Variants in ZC3H6 observed in about 807,000 individuals in gnomAD.
The protein encoded by ZC3H6 is zinc finger CCCH-type containing 6, also known as zinc finger CCCH domain-containing protein 6.
Under a neutral mutation model 107.7 loss-of-function variants are expected in ZC3H6, and 40 were observed. That is an observed-to-expected ratio of 0.37 (90% confidence interval 0.29 to 0.48). The LOEUF is 0.48. ZC3H6 is among the 20% of genes least tolerant of loss of function. The probability of loss-of-function intolerance (pLI) is 0.98; values close to 1 mark genes in which losing one functional copy is unlikely to be tolerated. For synonymous variants in ZC3H6, 493 were observed against 487.9 expected (o/e 1.01, Z -0.14); for missense variants, 1,267 against 1,410.4 (o/e 0.90, Z 1.63).
At chr2:112,289,578 G>A (rs1676060510) in intron 1 of ZC3H6, among the ~76,000 whole-genome samples, 2 of 72,136 alleles carry the variant, frequency 2.8e-5, no homozygotes, top group African/African-American at 4.7e-5. Context: ...GCCTGCCTCG[G>A]CCTCCCAAAG....
intron 4 of ZC3H6, among the ~76,000 whole-genome samples, chr2:112,311,466 T>C (rs1205848084): frequency 1.3e-5 from 2 of 152,204 alleles, no homozygotes; most frequent in African/African-American, 4.8e-5. Context: ...ATACCTACAA[T>C]GTCTTCCTTA....
intron 1 of ZC3H6, among the ~76,000 whole-genome samples, chr2:112,289,951 G>A (rs1298830288): frequency 2.0e-5 from 3 of 152,064 alleles, no homozygotes; most frequent in African/African-American, 7.2e-5. Context: ...GTGTTGCCCA[G>A]GCTGGTCTCA....
chr2:112,299,787 A>G, intron 1 of ZC3H6, 62 bp from the exon 2 acceptor site: 3 of 1,230,264 alleles, frequency 2.4e-6, no homozygotes, highest in Non-Finnish European at 2.1e-6. Context: ...TTTTCTTTTG[A>G]AAATCTTTCT....
chr2:112,299,989 A>G lies in ZC3H6; in HGVS notation c.173A>G (p.Glu58Gly). 2 of 1,487,706 alleles carry G rather than the reference A, an allele frequency of 1.3e-6. No individual in the cohort carries two copies. The highest frequency in any genetic ancestry group is 2.7e-5 in the Admixed American group (1 of 37,616). 92.2% of individuals were successfully genotyped at this position (1,487,706 alleles called of 1,614,324 possible). A position where few individuals can be genotyped will look rare whatever the true frequency, so the allele number is the denominator to read the frequency against. ...AGAAAAAAACATAAGAAAGAGAGAG[A>G]GAAGAAAAAATCCAAAAGGAGAAAA... ...KSRKKHKKER[E>G]KKKSKRRKRE... Residue 58 changes from glutamate to glycine, a missense_variant, in exon 2 of 12, where the codon GAG becomes GGG. By Grantham distance (98) the Glu-to-Gly change is moderately conservative. Coordinates refer to ENST00000409871, the MANE Select transcript of ZC3H6 (RefSeq NM_198581.3).
intron 1 of ZC3H6, among the ~76,000 whole-genome samples, chr2:112,295,656 C>T (rs561833815): frequency 3.9e-5 from 6 of 152,230 alleles, no homozygotes; most frequent in African/African-American, 1.4e-4. Context: ...TTATTTTTCT[C>T]TATTTCCTCT....
chr2:112,291,918 A>G (rs1676126989), intron 1 of ZC3H6, among the ~76,000 whole-genome samples: 1 of 152,034 alleles, frequency 6.6e-6, no homozygotes, highest in Non-Finnish European at 1.5e-5. Flanking sequence ...GGGGTTCACC[A>G]TGTTGACCAG....
rs553503308 is a variant in ZC3H6, at chr2:112,301,039, A to G, written c.213+1010A>G. On this transcript the variant is annotated intron_variant, in intron 2 of 11. Coordinates refer to ENST00000409871, the MANE Select transcript of ZC3H6 (RefSeq NM_198581.3). ...TGGAGCCAAACGATAGACAGCAACA[A>G]GAGCAGTGTAACAACAGCATCAGTA... is the stretch of plus-strand genomic sequence containing the variant. Among the ~76,000 whole-genome samples, 12 of 152,396 alleles carry G rather than the reference A, an allele frequency of 7.9e-5. No homozygotes were observed. The South Asian group carries it at 2.5e-3, about 32-fold the overall frequency.
At chr2:112,302,004 A>G (rs1676387283) in intron 2 of ZC3H6, among the ~76,000 whole-genome samples, 1 of 152,006 alleles carries the variant, frequency 6.6e-6, no homozygotes, top group Admixed American at 6.5e-5. Flanking sequence ...TTTCTAGAAA[A>G]GTACTACCTA....
chr2:112,295,985 A>G (rs1676224363), intron 1 of ZC3H6, among the ~76,000 whole-genome samples: 2 of 152,180 alleles, frequency 1.3e-5, no homozygotes, highest in South Asian at 4.1e-4. Context: ...GGAGAGGCGC[A>G]GTAAAAGAAA....
At chr2:112,306,577 T>A (rs1207579140) in intron 3 of ZC3H6, among the ~76,000 whole-genome samples, 2 of 152,236 alleles carry the variant, frequency 1.3e-5, no homozygotes, top group African/African-American at 4.8e-5. Flanking sequence ...TATTCTGTGC[T>A]GAGCATTTTG....
chr2:112,279,152 G>A (rs1686480847), intron 1 of ZC3H6, among the ~76,000 whole-genome samples: 1 of 152,130 alleles, frequency 6.6e-6, no homozygotes, highest in African/African-American at 2.4e-5. Flanking sequence ...AGGTCTTTAG[G>A]GATTTAGGGA....
chr2:112,308,073 A>G (rs1676511086), intron 3 of ZC3H6, among the ~76,000 whole-genome samples: 1 of 152,188 alleles, frequency 6.6e-6, no homozygotes, highest in Non-Finnish European at 1.5e-5. Flanking sequence ...TCTTCAACTT[A>G]ATCTAAGCAA....
Position 112,324,328 on chromosome 2 carries a change from G to T in ZC3H6, c.1517G>T (p.Gly506Val), listed in dbSNP as rs780673700. ...PGSPGHHPCA[G>V]PPGLPVPQSP... ...TCCCCTGGACATCACCCATGTGCAG[G>T]ACCTCCTGGTCTACCAGTGCCACAG... is the stretch of plus-strand genomic sequence containing the variant. Residue 506 changes from glycine to valine, a missense_variant, in exon 10 of 12, where the codon GGA (glycine) becomes GTA (valine). By Grantham distance (109) the Gly-to-Val change is moderately radical. Transcript: ENST00000409871. 6.2e-7 allele frequency: 1 copy of T among 1,613,958 alleles called. No homozygotes were observed. Among genetic ancestry groups the T allele is most frequent in the African/African-American group, 1.3e-5 (1 of 75,044 alleles).
intron 3 of ZC3H6, among the ~76,000 whole-genome samples, chr2:112,305,064 G>A (rs753225579): frequency 1.4e-4 from 22 of 152,114 alleles, no homozygotes; most frequent in Non-Finnish European, 2.4e-4. Flanking sequence ...AGAGTCAGTG[G>A]TTGTTGCTAT....
intron 1 of ZC3H6, among the ~76,000 whole-genome samples, chr2:112,288,707 C>A (rs1240658277): frequency 2.0e-5 from 3 of 152,208 alleles, no homozygotes; most frequent in African/African-American, 7.2e-5. Context: ...TTTAAGAAAT[C>A]TTTTGTTGCT....
In ZC3H6 at chr2:112,331,344, A is replaced by T; in HGVS notation, c.2426A>T (p.His809Leu). The change falls in exon 12 of 12, where the codon CAT becomes CTT. Residue 809 changes from histidine (H) to leucine (L), a missense_variant. His to Leu is a moderately conservative substitution (Grantham distance 99). This residue lies in a region of ZC3H6 where 925 missense variants were observed against 1,025.7 expected (regional missense o/e 0.90). Transcript: ENST00000409871. ...SVGGAKFDLH[H>L]ANAGTNVKHK... ...GGTGGAGCAAAGTTTGATTTGCATCATGCAAATGCTGGCACTAATGTCAAA... is the reference window on the plus strand; with the variant it reads ...GGTGGAGCAAAGTTTGATTTGCATCTTGCAAATGCTGGCACTAATGTCAAA... The T allele has an allele frequency of 6.2e-7, 1 of 1,613,784 alleles. No homozygotes were observed. The highest frequency in any genetic ancestry group is 8.5e-7 in the Non-Finnish European group (1 of 1,179,894).
chr2:112,310,708 A>G (rs1057081961), intron 4 of ZC3H6, among the ~76,000 whole-genome samples: 1 of 152,218 alleles, frequency 6.6e-6, no homozygotes, highest in African/African-American at 2.4e-5. Context: ...TGAAGAAACT[A>G]TGGGTCATGT....
intron 1 of ZC3H6, 73 bp downstream of exon 1, chr2:112,276,099 C>A (rs1248863898): frequency 7.1e-7 from 1 of 1,410,094 alleles, no homozygotes; most frequent in South Asian, 1.3e-5. Context: ...CGGGCCGGGG[C>A]CGGGCGCCTC....
chr2:112,278,618 C>G (rs1215520471), intron 1 of ZC3H6, among the ~76,000 whole-genome samples: 1 of 152,072 alleles, frequency 6.6e-6, no homozygotes, highest in Non-Finnish European at 1.5e-5. Context: ...TGTGCCCAGC[C>G]AAGGATATTC....
Sources: allele counts gnomAD v4.1 joint callset (sites outside exome capture counted in the v4.1 genomes callset), GRCh38; gene constraint gnomAD v4.1.1; regional missense constraint gnomAD v4.1.1; transcripts MANE v1.5; gene names NCBI Gene and HGNC (gene_info 2026-07-23, HGNC 2026-07-21).